MVB12B: variants seen among roughly 807,000 people sequenced by gnomAD.
The protein encoded by MVB12B is multivesicular body subunit 12B, also known as ESCRT-I complex subunit MVB12B.
Under a neutral mutation model 41.6 loss-of-function variants are expected in MVB12B, and 16 were observed. The ratio of observed to expected loss-of-function variants is 0.38; its 90% CI spans 0.26 to 0.58. MVB12B has a LOEUF of 0.58. Ranked by LOEUF, MVB12B falls within the 20% of genes least tolerant of loss-of-function variation. MVB12B has a pLI of 0.62. For missense variants in MVB12B, 274 were observed against 380.2 expected, an observed-to-expected ratio of 0.72 and a Z score of 2.32; for synonymous variants, 133 against 139.7, an observed-to-expected ratio of 0.95 and a Z score of 0.34.
intron 7 of MVB12B, among the ~76,000 whole-genome samples, chr9:126,441,249 G>T (rs1420927401): frequency 6.6e-6 from 1 of 152,150 alleles, no homozygotes; most frequent in Non-Finnish European, 1.5e-5. Flanking sequence ...CCTCTGCGAG[G>T]CTTGAAGGCG....
chr9:126,359,141 A>T (rs949202199), intron 2 of MVB12B, among the ~76,000 whole-genome samples: 10 of 151,236 alleles, frequency 6.6e-5, no homozygotes, highest in Non-Finnish European at 1.0e-4. Flanking sequence ...GAGTGCTAGG[A>T]TTACAGATGT....
At position 126,480,518 on chromosome 9, in the gene MVB12B, A is replaced by G. The variant is rs186408330; in HGVS notation, c.758-851A>G. 3.3e-5 allele frequency among the ~76,000 whole-genome samples: 5 copies of G among 152,222 alleles called. No homozygotes were observed. The East Asian group carries it at 9.7e-4, about 29-fold the overall frequency. On this transcript the variant is annotated intron_variant, in intron 7 of 9. Transcript: ENST00000361171. This position sits in a 1 kb window ranked among gnomAD's most constrained non-coding sequence, Gnocchi z 4.9. ...TTCTGTCCGTGTGCTTTTGAAAGCGATCCCCTGGGACAGGGCGGAGGGAGG... is the reference window on the plus strand; with the variant it reads ...TTCTGTCCGTGTGCTTTTGAAAGCGGTCCCCTGGGACAGGGCGGAGGGAGG...
At chr9:126,485,904 C>T (rs981640441) in intron 9 of MVB12B, among the ~76,000 whole-genome samples, 7 of 152,094 alleles carry the variant, frequency 4.6e-5, no homozygotes, top group Admixed American at 2.6e-4. Flanking sequence ...AGCAGTCACA[C>T]GCCACAGCCA....
chr9:126,340,230 G>A lies in MVB12B; in HGVS notation c.82-278G>A, dbSNP rs928378570. Among the ~76,000 whole-genome samples, 3 of 152,072 alleles carry A rather than the reference G, an allele frequency of 2.0e-5. No homozygotes were observed. The highest frequency in any genetic ancestry group is 2.9e-5 in the Non-Finnish European group (2 of 68,026). On this transcript the variant is annotated intron_variant, in intron 1 of 9. Coordinates refer to ENST00000361171, the MANE Select transcript of MVB12B (RefSeq NM_033446.3). The surrounding 1 kb of genome is among the most constrained non-coding windows in gnomAD (Gnocchi z 4.0). ...GCTGGATGGCGGAGTTAAGAATGACGTGCTCTTGGGTTTGAGTCAAGCTCA... is the reference window on the plus strand; with the variant it reads ...GCTGGATGGCGGAGTTAAGAATGACATGCTCTTGGGTTTGAGTCAAGCTCA...
chr9:126,409,676 C>G (rs113910573), intron 6 of MVB12B, among the ~76,000 whole-genome samples: 1 of 152,184 alleles, frequency 6.6e-6, no homozygotes, highest in Non-Finnish European at 1.5e-5. Context: ...CTCCAGCACC[C>G]CACAGCATCA....
chr9:126,444,912 TC>T (rs1832728221), intron 7 of MVB12B, among the ~76,000 whole-genome samples: 1 of 152,236 alleles, frequency 6.6e-6, no homozygotes, highest in African/African-American at 2.4e-5. Flanking sequence ...TGTGTTGTGT[TC>T]CATTGAGTTG....
chr9:126,481,049 C>A (rs1003759680), intron 7 of MVB12B: 3 of 336,522 alleles, frequency 8.9e-6, no homozygotes, highest in Non-Finnish European at 1.6e-5. Context: ...GTGACTCTCC[C>A]GTTACAGATC....
chr9:126,439,075 G>A (rs1588173408), intron 7 of MVB12B, among the ~76,000 whole-genome samples: 1 of 152,062 alleles, frequency 6.6e-6, no homozygotes, highest in African/African-American at 2.4e-5. Flanking sequence ...TAGCCCTGGG[G>A]GAATCGGACT....
intron 2 of MVB12B, among the ~76,000 whole-genome samples, chr9:126,358,685 T>C (rs1829948757): frequency 6.6e-6 from 1 of 152,242 alleles, no homozygotes; most frequent in Admixed American, 6.5e-5. Context: ...TCTTATAACG[T>C]TTTTGAATAT....
chr9:126,445,543 A>T (rs1832745994), intron 7 of MVB12B, among the ~76,000 whole-genome samples: 1 of 151,830 alleles, frequency 6.6e-6, no homozygotes, highest in Admixed American at 6.6e-5. Context: ...GCCTCAAGTG[A>T]TCCTCCCCCT....
At chr9:126,431,285 C>A (rs2119114927) in intron 7 of MVB12B, among the ~76,000 whole-genome samples, 1 of 152,342 alleles carries the variant, frequency 6.6e-6, no homozygotes, top group African/African-American at 2.4e-5. Flanking sequence ...TAGAAGTGGG[C>A]TATTTTCCGT....
intron 7 of MVB12B, among the ~76,000 whole-genome samples, chr9:126,455,672 G>T (rs1027753054): frequency 6.6e-6 from 1 of 150,578 alleles, no homozygotes; most frequent in Admixed American, 6.6e-5. Context: ...ATTTTATAGA[G>T]ATGGGGTCTT....
chr9:126,344,679 G>A (rs545489048), intron 2 of MVB12B, among the ~76,000 whole-genome samples: 6 of 152,332 alleles, frequency 3.9e-5, no homozygotes, highest in South Asian at 2.1e-4. Flanking sequence ...TAGTCCTTTT[G>A]TGCTGCCATG....
chr9:126,389,731 G>A lies in MVB12B; in HGVS notation c.410-2335G>A, dbSNP rs1049106437. On this transcript the variant is annotated intron_variant, in intron 4 of 9. Transcript: ENST00000361171. The surrounding 1 kb of genome is among the most constrained non-coding windows in gnomAD (Gnocchi z 4.4). ...AAGTTGCAGAGTTGCCATGAGCAGC[G>A]CCCCCAACTCCCCAGGTTGCTGTCC... Among the ~76,000 whole-genome samples, 1 of 151,958 alleles carries A rather than the reference G, an allele frequency of 6.6e-6. No individual in the cohort carries two copies. The highest frequency in any genetic ancestry group is 1.5e-5 in the Non-Finnish European group (1 of 67,988).
chr9:126,451,447 G>A (rs951959596), intron 7 of MVB12B, among the ~76,000 whole-genome samples: 3 of 152,048 alleles, frequency 2.0e-5, no homozygotes, highest in Non-Finnish European at 2.9e-5. Flanking sequence ...AGAGGGTCTC[G>A]AGCAAATGAT....
At chr9:126,451,964 G>A (rs1045835786) in intron 7 of MVB12B, among the ~76,000 whole-genome samples, 1 of 152,172 alleles carries the variant, frequency 6.6e-6, no homozygotes, top group Non-Finnish European at 1.5e-5. Flanking sequence ...GGGCTTGGTG[G>A]TTATGAAAGT....
chr9:126,470,646 C>CTGTGTGTGTGTGTG (rs143928729), intron 7 of MVB12B, among the ~76,000 whole-genome samples: 31 of 143,620 alleles, frequency 2.2e-4, no homozygotes, highest in South Asian at 4.7e-4. Flanking sequence ...AGTCAGTGCT[C>CTGTGTGTGTGTGTG]TGTGTGTGTG....
At chr9:126,418,304 A>C (rs904267922) in intron 6 of MVB12B, among the ~76,000 whole-genome samples, 2 of 152,208 alleles carry the variant, frequency 1.3e-5, no homozygotes, top group Non-Finnish European at 2.9e-5. Flanking sequence ...TCAGTATTGC[A>C]TGGAGCAGCT....
intron 6 of MVB12B, among the ~76,000 whole-genome samples, chr9:126,413,246 C>T (rs879043945): frequency 1.9e-4 from 29 of 152,112 alleles, no homozygotes; most frequent in Admixed American, 1.5e-3. Context: ...GTAATTGGCC[C>T]CATCAGCATT....
Sources: allele counts gnomAD v4.1 joint callset (sites outside exome capture counted in the v4.1 genomes callset), GRCh38; gene constraint gnomAD v4.1.1; non-coding constraint Gnocchi (gnomAD v3.1); transcripts MANE v1.5; gene names NCBI Gene and HGNC (gene_info 2026-07-23, HGNC 2026-07-21).